Variants in IL16 observed in about 807,000 individuals in gnomAD.
The protein encoded by IL16 is interleukin 16.
IL16 carries 67 observed loss-of-function variants against 110.1 expected under a neutral mutation model. The ratio of observed to expected loss-of-function variants is 0.61; its 90% CI spans 0.50 to 0.75. IL16 has a LOEUF of 0.75. IL16 is among the 30% of genes least tolerant of loss of function. The pLI is 0.00. For synonymous variants in IL16, 689 were observed against 662.9 expected (o/e 1.04, Z -0.61); for missense variants, 1,545 against 1,655.0 (o/e 0.93, Z 1.15).
rs1466224875 is a variant in IL16, at chr15:81,292,932, T to C, written c.1797T>C (p.Pro599=). The change falls in exon 12 of 19, where the codon CCT becomes CCC. Residue 599 remains proline, a synonymous_variant. Transcript: ENST00000683961. ...VRKPMSSKPK[P]PPRKYFKSDS... ...AGCCTATGTCCTCCAAGCCCAAGCCTCCACCCAGAAAATACTTTAAAAGTG... is the reference window on the plus strand; with the variant it reads ...AGCCTATGTCCTCCAAGCCCAAGCCCCCACCCAGAAAATACTTTAAAAGTG... The C allele has an allele frequency of 6.2e-7, 1 of 1,614,126 alleles. No individual in the cohort carries two copies. Among genetic ancestry groups the C allele is most frequent in the Admixed American group, 1.7e-5 (1 of 60,016 alleles).
rs1422396604 is a variant in IL16 at position 81,278,807 on chromosome 15, C to T, written c.791-10C>T. 18 of 1,588,602 alleles carry T rather than the reference C, an allele frequency of 1.1e-5. No individual in the cohort carries two copies. Among genetic ancestry groups the T allele is most frequent in the Non-Finnish European group, 1.6e-5 (18 of 1,156,922 alleles). The stretch of plus-strand genomic sequence containing the variant: ...CACTCTTCTTAGCTACACTTTCTCT[C>T]TCTAAACAGGTGATGAAATTCTGGA... On this transcript the variant is annotated splice_polypyrimidine_tract_variant and intron_variant, in intron 6 of 18. Transcript: ENST00000683961.
At chr15:81,286,764 T>G (rs926791598) in intron 10 of IL16, among the ~76,000 whole-genome samples, 1 of 152,168 alleles carries the variant, frequency 6.6e-6, no homozygotes, top group African/African-American at 2.4e-5. Flanking sequence ...GGGCAATGTA[T>G]TAGTCTGTTC....
intron 5 of IL16, among the ~76,000 whole-genome samples, chr15:81,270,928 C>A (rs1046958123): frequency 3.3e-5 from 5 of 152,120 alleles, no homozygotes; most frequent in African/African-American, 1.2e-4. Context: ...AAACCTACAC[C>A]CCAAGATCTC....
chr15:81,206,329 C>T (rs1378809348), intron 1 of IL16, among the ~76,000 whole-genome samples: 1 of 152,112 alleles, frequency 6.6e-6, no homozygotes, highest in Non-Finnish European at 1.5e-5. Flanking sequence ...TTATTGTAGG[C>T]ATTTGTAACA....
At chr15:81,189,878 G>A (rs1001820701) in intron 1 of IL16, among the ~76,000 whole-genome samples, 2 of 152,214 alleles carry the variant, frequency 1.3e-5, no homozygotes, top group African/African-American at 4.8e-5. Context: ...AGAAAGTAGG[G>A]ATTTCTTAAT....
At chr15:81,298,426 T>C (rs1341905431) in intron 13 of IL16, among the ~76,000 whole-genome samples, 4 of 152,136 alleles carry the variant, frequency 2.6e-5, no homozygotes, top group Admixed American at 2.0e-4. Flanking sequence ...CATGCAGATA[T>C]GATGCTGGTT....
At chr15:81,200,786 C>CA in intron 1 of IL16, among the ~76,000 whole-genome samples, 1 of 152,286 alleles carries the variant, frequency 6.6e-6, no homozygotes, top group Middle Eastern at 3.4e-3. Context: ...TCTTCTCTTT[C>CA]AAAAAGATGG....
intron 17 of IL16, 40 bp from the exon 18 acceptor site, chr15:81,306,380 G>C (rs755688247): frequency 6.2e-7 from 1 of 1,609,032 alleles, no homozygotes; most frequent in Non-Finnish European, 8.5e-7. Flanking sequence ...TGGCCTGGGA[G>C]AGGAGAGGAT....
intron 2 of IL16, among the ~76,000 whole-genome samples, chr15:81,229,639 G>C (rs1896905203): frequency 6.6e-6 from 1 of 152,148 alleles, no homozygotes; most frequent in Admixed American, 6.5e-5. Flanking sequence ...AAAGGTTCCA[G>C]GTCAGCAAGG....
chr15:81,233,599 TACAC>T (rs907382250), intron 2 of IL16, among the ~76,000 whole-genome samples: 45 of 151,644 alleles, frequency 3.0e-4, no homozygotes, highest in African/African-American at 1.0e-3. Context: ...TACATGCATA[TACAC>T]ACACACACAT....
chr15:81,191,625 T>A (rs1895498625), intron 1 of IL16, among the ~76,000 whole-genome samples: 1 of 152,116 alleles, frequency 6.6e-6, no homozygotes, highest in Admixed American at 6.6e-5. Flanking sequence ...TGCTGGCAAG[T>A]TCTATGAAGA....
rs748445175 is a variant in IL16 at position 81,279,588 on chromosome 15, G to A, written c.895G>A (p.Val299Met). The change falls in exon 8 of 19, where the codon GTG becomes ATG. Residue 299 changes from valine to methionine, a missense_variant. Physicochemically the swap from Val to Met is conservative, Grantham distance 21. This residue lies in a region of IL16 where 1,185 missense variants were observed against 1,238.8 expected (regional missense o/e 0.96). Transcript: ENST00000683961. ...QAKKGLLTLT[V>M]RTRLTAPPSL... ...CAAAAAGGGGCTCCTCACCCTCACCGTGAGAACCCGCCTGACGGCGCCTCC... is the reference window on the plus strand; with the variant it reads ...CAAAAAGGGGCTCCTCACCCTCACCATGAGAACCCGCCTGACGGCGCCTCC... 1.8e-5 allele frequency: 29 copies of A among 1,613,502 alleles called. No individual in the cohort carries two copies. Among genetic ancestry groups the A allele is most frequent in the East Asian group, 8.9e-5 (4 of 44,884 alleles).
intron 1 of IL16, among the ~76,000 whole-genome samples, chr15:81,189,779 G>A (rs141952378): frequency 2.3e-4 from 35 of 152,346 alleles, no homozygotes; most frequent in African/African-American, 5.3e-4. Context: ...AACTTCAAGC[G>A]TCGGAGAGAC....
At position 81,297,021 on chromosome 15, in the gene IL16, G is replaced by A. The variant is rs766682484; in HGVS notation, c.1996G>A (p.Gly666Ser). 1.1e-4 allele frequency: 178 copies of A among 1,613,832 alleles called. No individual in the cohort carries two copies. In the Admixed American group the frequency reaches 1.4e-3, roughly 13 times the overall value. The stretch of plus-strand genomic sequence containing the variant: ...TGCCGGCTGCCCAGGACCTGGTATC[G>A]GCCCACAGACCAAGTCCTCCACAGA... ...ASAGCPGPGI[G>S]PQTKSSTEGE... is the part of the protein sequence containing the mutation. The change falls in exon 13 of 19, where the codon GGC (glycine) becomes AGC (serine). Residue 666 changes from glycine (G) to serine (S), a missense_variant. By Grantham distance (56) the Gly-to-Ser change is moderately conservative (BLOSUM62 0). Transcript: ENST00000683961.
rs763737683 is a variant in IL16 at position 81,313,366 on chromosome 15, T to C, written c.*4568T>C. 59 of 1,577,522 alleles carry C rather than the reference T, an allele frequency of 3.7e-5. 2 individuals carry two copies. In the Admixed American group the frequency reaches 1.0e-3, roughly 28 times the overall value. On this transcript the variant is annotated 3_prime_UTR_variant, in exon 19 of 19. Transcript: ENST00000683961. ...TGTGGGAGGTAACCGCTGAGGTCGGTATGGAAGAATGTGACCAGGTTGGTC... is the reference window on the plus strand; with the variant it reads ...TGTGGGAGGTAACCGCTGAGGTCGGCATGGAAGAATGTGACCAGGTTGGTC...
At chr15:81,300,777 C>T (rs1393559184) in intron 14 of IL16, among the ~76,000 whole-genome samples, 3 of 152,080 alleles carry the variant, frequency 2.0e-5, no homozygotes, top group Non-Finnish European at 4.4e-5. Flanking sequence ...CTGACATACG[C>T]CTGTGGAGAT....
At chr15:81,201,670 A>G (rs930410870) in intron 1 of IL16, among the ~76,000 whole-genome samples, 3 of 152,136 alleles carry the variant, frequency 2.0e-5, no homozygotes, top group Admixed American at 1.3e-4. Flanking sequence ...TTATATTGCC[A>G]CTTTGTATTT....
chr15:81,247,775 C>T (rs1449461284), intron 2 of IL16, among the ~76,000 whole-genome samples: 1 of 152,166 alleles, frequency 6.6e-6, no homozygotes, highest in Non-Finnish European at 1.5e-5. Context: ...CCTCTTCCCA[C>T]CATCCTTAAC....
At chr15:81,229,089 A>G (rs1378470367) in intron 2 of IL16, among the ~76,000 whole-genome samples, 1 of 152,234 alleles carries the variant, frequency 6.6e-6, no homozygotes, top group East Asian at 1.9e-4. Flanking sequence ...GGAATTAAGC[A>G]CTTAATGAAT....
Sources: allele counts gnomAD v4.1 joint callset (sites outside exome capture counted in the v4.1 genomes callset), GRCh38; gene constraint gnomAD v4.1.1; regional missense constraint gnomAD v4.1.1; transcripts MANE v1.5; gene names NCBI Gene and HGNC (gene_info 2026-07-23, HGNC 2026-07-21).